TF: variants seen among roughly 807,000 people sequenced by gnomAD.
The protein encoded by TF is serotransferrin.
TF carries 55 observed loss-of-function variants against 82.4 expected under a neutral mutation model. That is an observed-to-expected ratio of 0.67 (90% CI 0.54 to 0.84). The LOEUF (loss-of-function observed/expected upper bound fraction) is 0.84. Ranked by LOEUF, TF falls within the 40% of genes least tolerant of loss-of-function variation. The pLI is 0.00. For missense variants in TF, 737 were observed against 868.4 expected (o/e 0.85, Z 1.90); for synonymous variants, 332 against 332.6 (o/e 1.00, Z 0.02).
chr3:133,754,546 T>C lies in TF; in HGVS notation c.377T>C (p.Phe126Ser), dbSNP rs147540361. Residue 126 changes from phenylalanine to serine, a missense_variant, in exon 4 of 17, where the codon TTC (phenylalanine) becomes TCC (serine). Transcript: ENST00000402696. ...GCTGTGGTGAAGAAGGATAGTGGCT[T>C]CCAGATGAACCAGCTTCGAGGCAAG... The part of the protein sequence containing the change: ...AVAVVKKDSG[F>S]QMNQLRGKKS... The C allele has an allele frequency of 6.2e-7, 1 of 1,614,190 alleles. No individual in the cohort carries two copies.
At chr3:133,743,956 T>C (rs913269872), upstream of TF, among the ~76,000 whole-genome samples, 1 of 152,232 alleles carries the variant, frequency 6.6e-6, no homozygotes, top group Admixed American at 6.5e-5. Flanking sequence ...GCTCTGCTGT[T>C]GTCCTCTTGA....
At position 133,792,505 on chromosome 3, in the gene TF, C is replaced by T. The variant is rs1934865905; in HGVS notation, c.*13885C>T. 1 of 152,114 alleles carries T rather than the reference C, an allele frequency of 6.6e-6. No individual in the cohort carries two copies. Among genetic ancestry groups the T allele is most frequent in the African/African-American group, 2.4e-5 (1 of 41,428 alleles). The allele number at this position is 152,114 out of a possible 1,614,324, so 9.4% of individuals were successfully genotyped here. A position where few individuals can be genotyped will look rare whatever the true frequency, so the allele number is the denominator to read the frequency against. On this transcript the variant is annotated 3_prime_UTR_variant, in exon 17 of 17. Transcript: ENST00000402696. ...CGTGGAGTCAGATGCTGGAGTCAGA[C>T]CTTAAGTGTACTTCTCTCTGGGTCC...
the TF span, among the ~76,000 whole-genome samples, chr3:133,735,805 G>T: frequency 3.9e-5 from 6 of 152,224 alleles, no homozygotes; most frequent in African/African-American, 1.4e-4. Flanking sequence ...ATGGGACTAT[G>T]TGAAAAGACC....
chr3:133,715,587 C>T, the TF span, among the ~76,000 whole-genome samples: 1 of 152,176 alleles, frequency 6.6e-6, no homozygotes, highest in Non-Finnish European at 1.5e-5. Context: ...ACTTTCCTCT[C>T]CCATTTCTCC....
intron 1 of TF, 29 bp from the exon 2 acceptor site, chr3:133,748,383 C>T (rs766039152): frequency 1.6e-5 from 26 of 1,613,390 alleles, no homozygotes; most frequent in Non-Finnish European, 1.9e-5. Context: ...AGGGAGTGGG[C>T]CCTTCCACCT....
In TF at chr3:133,775,467, T is replaced by C; in HGVS notation, c.1722T>C (p.Asn574=). Reference sequence around the variant, plus strand: ...CTGATCCATGGGCTAAGAATCTGAATGAAAAAGACTATGAGTTGCTGTGCC... The same window carrying C: ...CTGATCCATGGGCTAAGAATCTGAACGAAAAAGACTATGAGTTGCTGTGCC... ...KNPDPWAKNL[N]EKDYELLCLD... The change falls in exon 15 of 17, where the codon AAT becomes AAC. Residue 574 remains asparagine, a synonymous_variant. Coordinates refer to ENST00000402696, the MANE Select transcript of TF (RefSeq NM_001063.4). 6.2e-7 allele frequency: 1 copy of C among 1,614,172 alleles called. No individual in the cohort carries two copies.
chr3:133,764,144 C>A, intron 9 of TF, 38 bp from the exon 10 acceptor site: 1 of 1,583,866 alleles, frequency 6.3e-7, no homozygotes, highest in Non-Finnish European at 8.7e-7. Flanking sequence ...CAGGAAACAG[C>A]CTCTTTTCAT....
At chr3:133,776,854 G>A (rs1226468346) in intron 15 of TF, among the ~76,000 whole-genome samples, 195 bp from the exon 16 acceptor site, 3 of 152,074 alleles carry the variant, frequency 2.0e-5, no homozygotes, top group African/African-American at 7.2e-5. Context: ...ATGATTTTGG[G>A]GGCATCATGA....
At chr3:133,742,524 G>T (rs2107902273), upstream of TF, among the ~76,000 whole-genome samples, 1 of 152,222 alleles carries the variant, frequency 6.6e-6, no homozygotes, top group Non-Finnish European at 1.5e-5. Flanking sequence ...CAAAATGCCT[G>T]GCATTTTCCT....
the TF span, among the ~76,000 whole-genome samples, chr3:133,738,634 T>C: frequency 6.6e-6 from 1 of 152,186 alleles, no homozygotes; most frequent in African/African-American, 2.4e-5. Flanking sequence ...ACAAAATCAA[T>C]GTGCAAAAAT....
the TF span, among the ~76,000 whole-genome samples, chr3:133,714,929 C>T: frequency 0.081 from 12,343 of 152,000 alleles, 656 homozygotes; most frequent in East Asian, 0.24. Flanking sequence ...ATGATCCACC[C>T]GCCTCGGCCT....
At chr3:133,675,868 C>T in the TF span, among the ~76,000 whole-genome samples, 1 of 152,098 alleles carries the variant, frequency 6.6e-6, no homozygotes, top group Non-Finnish European at 1.5e-5. Flanking sequence ...TGAGGAGTTG[C>T]CACAGAGACT....
the TF span, among the ~76,000 whole-genome samples, chr3:133,694,843 C>T: frequency 4.1e-5 from 6 of 145,222 alleles, no homozygotes; most frequent in African/African-American, 1.5e-4. Context: ...AGGCTTTAAG[C>T]CTTTAGTTTT....
intron 2 of TF, among the ~76,000 whole-genome samples, chr3:133,749,137 G>C (rs957478134): frequency 4.6e-5 from 7 of 152,174 alleles, no homozygotes; most frequent in Non-Finnish European, 1.0e-4. Context: ...CTCCAGCCTA[G>C]GTGACAGAGT....
At chr3:133,748,699 C>T (rs983896282) in intron 2 of TF, 115 bp downstream of exon 2, 50 of 1,308,766 alleles carry the variant, frequency 3.8e-5, no homozygotes, top group Non-Finnish European at 5.3e-5. Context: ...GGCAGTCAAC[C>T]TTGACTTACT....
the TF span, among the ~76,000 whole-genome samples, chr3:133,720,676 GTTC>G: frequency 1.3e-5 from 2 of 152,092 alleles, no homozygotes; most frequent in South Asian, 2.1e-4. Flanking sequence ...ATTAATGTTA[GTTC>G]TTCTTTAAAT....
At chr3:133,710,701 C>T in the TF span, among the ~76,000 whole-genome samples, 1 of 152,230 alleles carries the variant, frequency 6.6e-6, no homozygotes, top group East Asian at 1.9e-4. Context: ...CTTCCATGGT[C>T]TCAACCCTCA....
the TF span, among the ~76,000 whole-genome samples, chr3:133,723,310 T>C: frequency 1.2e-3 from 185 of 152,310 alleles, 1 homozygote; most frequent in Middle Eastern, 6.8e-3. Flanking sequence ...AATCTGGATG[T>C]TCATATCTCT....
At chr3:133,773,331 T>G (rs1934304766) in intron 14 of TF, 1 of 151,994 alleles carries the variant, frequency 6.6e-6, no homozygotes, top group South Asian at 2.1e-4. Context: ...ACCAGCTAAT[T>G]TTTGTATTTT....
Sources: gnomAD v4.1 joint callset for allele counts (sites outside exome capture counted in the v4.1 genomes callset) on GRCh38, gnomAD v4.1.1 for gene constraint, MANE v1.5 for transcripts, NCBI Gene and HGNC (gene_info 2026-07-23, HGNC 2026-07-21) for gene names.